Variants in ASAP3 observed in about 807,000 individuals in gnomAD.
ASAP3 encodes the protein ArfGAP with SH3 domain, ankyrin repeat and PH domain 3.
ASAP3 carries 85 observed loss-of-function variants against 118.2 expected under a neutral mutation model. The ratio of observed to expected loss-of-function variants is 0.72; its 90% confidence interval spans 0.60 to 0.86. The LOEUF (loss-of-function observed/expected upper bound fraction) is 0.86. ASAP3 is among the 40% of genes least tolerant of loss of function. The pLI is 0.00. For missense variants in ASAP3, 1,026 were observed against 1,175.0 expected (o/e 0.87, Z 1.85); for synonymous variants, 432 against 477.4 (o/e 0.90, Z 1.24).
Position 23,433,611 on chromosome 1 carries a change from TC to T in ASAP3, c.2019+14del, listed in dbSNP as rs1412006514. The T allele has an allele frequency of 1.9e-6, 3 of 1,614,158 alleles. No individual in the cohort carries two copies. The highest frequency in any genetic ancestry group is 2.2e-5 in the East Asian group (1 of 44,874). ...GAGAAAGAGTCAGGGGCCCCTTGCC[TC>T]CCCGAGTCCTCACCAGCTCCTCACA... On this transcript the variant is annotated intron_variant, in intron 20 of 24. Coordinates refer to ENST00000336689, the MANE Select transcript of ASAP3 (RefSeq NM_017707.4).
chr1:23,451,612 C>A, intron 4 of ASAP3, 84 bp from the exon 5 acceptor site: 1 of 1,444,642 alleles, frequency 6.9e-7, no homozygotes, highest in South Asian at 1.1e-5. Flanking sequence ...GTAGGAGGAC[C>A]TGCTAGTGTG....
At position 23,484,011 on chromosome 1, in the gene ASAP3, C is replaced by A; in HGVS notation, c.123G>T (p.Arg41=). Reference sequence around the variant, plus strand: ...CCCGCCTCGGCCCCCTCACCTCCTCCCGCGCCAGCGCCGCCCCTCGGTACC... The same window carrying A: ...CCCGCCTCGGCCCCCTCACCTCCTCACGCGCCAGCGCCGCCCCTCGGTACC... The part of the protein sequence containing the change: ...MPRYRGAALA[R]EEILEGDQAI... The change falls in exon 1 of 25, where the codon CGG becomes CGT. Residue 41 remains arginine, a synonymous_variant. Coordinates refer to ENST00000336689, the MANE Select transcript of ASAP3 (RefSeq NM_017707.4). The A allele has an allele frequency of 1.5e-6, 2 of 1,297,932 alleles. No individual in the cohort carries two copies. Among genetic ancestry groups the A allele is most frequent in the Non-Finnish European group, 2.0e-6 (2 of 1,024,714 alleles). 80.4% of individuals were successfully genotyped at this position (1,297,932 alleles called of 1,614,324 possible).
intron 5 of ASAP3, among the ~76,000 whole-genome samples, chr1:23,450,959 T>C (rs954950380): frequency 2.0e-5 from 3 of 152,152 alleles, no homozygotes; most frequent in African/African-American, 7.2e-5. Context: ...ATCTGGAGTA[T>C]CGTGTGGTGT....
At chr1:23,459,171 A>C (rs939791238) in intron 1 of ASAP3, among the ~76,000 whole-genome samples, 2 of 19,212 alleles carry the variant, frequency 1.0e-4, no homozygotes, top group African/African-American at 1.5e-4. Flanking sequence ...ACTCCATCTC[A>C]AAAAAAAAAA....
At position 23,429,798 on chromosome 1, in the gene ASAP3, C is replaced by G. The variant is rs373392793; in HGVS notation, c.*58G>C. 3.7e-5 allele frequency: 57 copies of G among 1,547,578 alleles called. No individual in the cohort carries two copies. The African/African-American group carries it at 5.6e-4, about 15-fold the overall frequency. ...TCTCAGCTCCCCAGTTTTGTGAGCT[C>G]AAGTCCCAGCTCTGAACATTGGGGC... is the stretch of plus-strand genomic sequence containing the variant. On this transcript the variant is annotated 3_prime_UTR_variant, in exon 25 of 25. Transcript: ENST00000336689.
rs745389100 is a variant in ASAP3 at position 23,429,834 on chromosome 1, G to T, written c.*22C>A. The T allele has an allele frequency of 6.2e-7, 1 of 1,611,318 alleles. No homozygotes were observed. ...TCTGAACATTGGGGCCTAGCATGGG[G>T]CATGTGGGGGCCAGCAAGGAGCTAG... On this transcript the variant is annotated 3_prime_UTR_variant, in exon 25 of 25. Transcript: ENST00000336689.
chr1:23,448,792 T>C (rs1243608227), intron 5 of ASAP3, among the ~76,000 whole-genome samples: 1 of 152,190 alleles, frequency 6.6e-6, no homozygotes. Context: ...AGGCCCTTCA[T>C]ATGTTAAAAT....
intron 1 of ASAP3, 103 bp from the exon 2 acceptor site, chr1:23,456,297 A>G: frequency 2.8e-6 from 3 of 1,077,122 alleles, no homozygotes; most frequent in East Asian, 2.6e-5. Flanking sequence ...CCGCCCTCCA[A>G]ACAAATACAT....
In ASAP3 at chr1:23,439,220, C is replaced by A. The variant is rs2148613728; in HGVS notation, c.955G>T (p.Val319Phe). ...LYKKSDGIRRVWQKRKCGVKY... is the reference protein window; with the variant it reads ...LYKKSDGIRRFWQKRKCGVKY... ...ACTCCACACTTCCTTTTCTGCCAGA[C>A]TCTTCGAATTCTAAAGCCCAGAGGG... is the stretch of plus-strand genomic sequence containing the variant. Residue 319 changes from valine to phenylalanine, a missense_variant, in exon 11 of 25, where the codon GTC becomes TTC. By Grantham distance (50) the Val-to-Phe change is conservative (BLOSUM62 -1). Transcript: ENST00000336689. 6.2e-7 allele frequency: 1 copy of A among 1,614,102 alleles called. No homozygotes were observed. The highest frequency in any genetic ancestry group is 8.5e-7 in the Non-Finnish European group (1 of 1,180,018).
chr1:23,469,994 G>A (rs1355142901), intron 1 of ASAP3, among the ~76,000 whole-genome samples: 1 of 152,198 alleles, frequency 6.6e-6, no homozygotes, highest in African/African-American at 2.4e-5. Context: ...GGCATCTTCA[G>A]AGGTGCTGCA....
chr1:23,481,372 G>C (rs1437035641), intron 1 of ASAP3, among the ~76,000 whole-genome samples: 2 of 152,208 alleles, frequency 1.3e-5, no homozygotes, highest in Non-Finnish European at 2.9e-5. Flanking sequence ...ACAAGCCTGG[G>C]GGTGGGTTAG....
At chr1:23,433,556 G>C (rs961632783) in intron 20 of ASAP3, 24 bp from the exon 21 acceptor site, 8 of 1,614,240 alleles carry the variant, frequency 5.0e-6, no homozygotes, top group Middle Eastern at 1.6e-4. Context: ...AGGCTTGGTG[G>C]TTCAGAGGGT....
Position 23,441,684 on chromosome 1 carries a change from TG to T in ASAP3, c.717del (p.Phe239LeufsTer23). 1 of 1,614,114 alleles carries T rather than the reference TG, an allele frequency of 6.2e-7. No homozygotes were observed. Among genetic ancestry groups the T allele is most frequent in the Non-Finnish European group, 8.5e-7 (1 of 1,180,016 alleles). Reference sequence around the variant, plus strand: ...TGTACTGAGGCCGCCAGCTTCTCGATGAAGGGGAACAGGCTCTGGGCAGCCT... The same window carrying T: ...TGTACTGAGGCCGCCAGCTTCTCGATAAGGGGAACAGGCTCTGGGCAGCCT... Reference protein sequence around the residue: ...GWKAAQSLFPFIEKLAASVHA... With the variant: ...GWKAAQSLFPXIEKLAASVHA... On this transcript the variant is annotated frameshift_variant, in exon 8 of 25. Transcript: ENST00000336689. LOFTEE classifies it high-confidence loss of function.
chr1:23,468,953 C>CA (rs769202082), intron 1 of ASAP3, among the ~76,000 whole-genome samples: 4,374 of 119,232 alleles, frequency 0.037, 186 homozygotes, highest in African/African-American at 0.11. Flanking sequence ...TGATAAAGTA[C>CA]AAAAAAAAAA....
rs747931195 is a variant in ASAP3, at chr1:23,451,468, T to C, written c.473+11A>G. On this transcript the variant is annotated intron_variant, in intron 5 of 24. Transcript: ENST00000336689. ...TCTCCCAGACAAACGACCCTGGCTG[T>C]GGCCACTTACATTTTGGCTTCATAG... is the stretch of plus-strand genomic sequence containing the variant. 11 of 1,613,770 alleles carry C rather than the reference T, an allele frequency of 6.8e-6. No individual in the cohort carries two copies. The highest frequency in any genetic ancestry group is 1.1e-5 in the South Asian group (1 of 91,084).
Position 23,431,023 on chromosome 1 carries a change from C to T in ASAP3, c.2637+12G>A. 1.3e-6 allele frequency: 2 copies of T among 1,557,630 alleles called. No homozygotes were observed. Among genetic ancestry groups the T allele is most frequent in the Non-Finnish European group, 1.7e-6 (2 of 1,153,246 alleles). ...GCCACCGCCCCTCAAACCATGGTCC[C>T]AGAGTTCCTACCGGCACGTTCCTTC... On this transcript the variant is annotated intron_variant, in intron 24 of 24. Transcript: ENST00000336689.
chr1:23,465,316 G>C (rs1222307386), intron 1 of ASAP3, among the ~76,000 whole-genome samples: 1 of 152,188 alleles, frequency 6.6e-6, no homozygotes, highest in Non-Finnish European at 1.5e-5. Flanking sequence ...CGCCGGGCAG[G>C]GAGAGTGCAA....
At position 23,436,459 on chromosome 1, in the gene ASAP3, A is replaced by T; in HGVS notation, c.1571+101T>A. ...ATTACAGGCGTGAGCCACTGCGCCC[A>T]GCCTCCCCAGACTTCTGATCCAAGA... On this transcript the variant is annotated intron_variant, in intron 16 of 24. Transcript: ENST00000336689. This position sits in a 1 kb window ranked among gnomAD's most constrained non-coding sequence, Gnocchi z 4.2. 1 of 1,350,010 alleles carries T rather than the reference A, an allele frequency of 7.4e-7. No individual in the cohort carries two copies. The highest frequency in any genetic ancestry group is 1.0e-6 in the Non-Finnish European group (1 of 958,746). 83.6% of individuals were successfully genotyped at this position (1,350,010 alleles called of 1,614,324 possible). A position where few individuals can be genotyped will look rare whatever the true frequency, so the allele number is the denominator to read the frequency against.
At chr1:23,449,883 T>C (rs1476649393) in intron 5 of ASAP3, among the ~76,000 whole-genome samples, 2 of 152,218 alleles carry the variant, frequency 1.3e-5, no homozygotes, top group Non-Finnish European at 2.9e-5. Flanking sequence ...TTATTATTTC[T>C]ATTTGGTAGA....
Sources: allele counts gnomAD v4.1 joint callset (sites outside exome capture counted in the v4.1 genomes callset), GRCh38; gene constraint gnomAD v4.1.1; non-coding constraint Gnocchi (gnomAD v3.1); transcripts MANE v1.5; gene names NCBI Gene and HGNC (gene_info 2026-07-23, HGNC 2026-07-21).